The following SGCG variants were observed in gnomAD, a reference collection of about 807,000 sequenced individuals.
SGCG encodes the protein sarcoglycan gamma.
A neutral mutation model predicts 29.3 loss-of-function variants in SGCG; 26 were observed. That is an observed-to-expected ratio of 0.89 (90% CI 0.65 to 1.23). The LOEUF (loss-of-function observed/expected upper bound fraction) is 1.23. Ranked by LOEUF, SGCG falls within the 50% of genes most tolerant of loss-of-function variation. The pLI, the probability that SGCG is intolerant of heterozygous loss-of-function variation, is 0.00. For missense variants in SGCG, 353 were observed against 356.0 expected (o/e 0.99, Z 0.07); for synonymous variants, 145 against 129.7 (o/e 1.12, Z -0.80).
chr13:23,272,927 T>A (rs553164272), intron 4 of SGCG, among the ~76,000 whole-genome samples: 1 of 152,354 alleles, frequency 6.6e-6, no homozygotes, highest in Admixed American at 6.5e-5. Context: ...CCTTTTTTAT[T>A]TCTTCTAATT....
chr13:23,290,594 A>C (rs1881666240), intron 5 of SGCG, among the ~76,000 whole-genome samples: 1 of 152,198 alleles, frequency 6.6e-6, no homozygotes, highest in Non-Finnish European at 1.5e-5. Context: ...GTGGTTACAA[A>C]GTGAATAGGA....
intron 1 of SGCG, among the ~76,000 whole-genome samples, chr13:23,195,493 TTTTG>T (rs557210311): frequency 3.0e-4 from 46 of 152,234 alleles, no homozygotes; most frequent in South Asian, 8.3e-4. Context: ...AAATAAAGGT[TTTTG>T]TTTGTTTGTT....
intron 1 of SGCG, among the ~76,000 whole-genome samples, chr13:23,202,743 A>T (rs1877814754): frequency 1.3e-5 from 2 of 152,172 alleles, no homozygotes; most frequent in Admixed American, 1.3e-4. Flanking sequence ...TTTAGACCAT[A>T]ACTTATTTTT....
At chr13:23,320,395 G>A (rs972578816) in intron 6 of SGCG, among the ~76,000 whole-genome samples, 1 of 152,182 alleles carries the variant, frequency 6.6e-6, no homozygotes, top group African/African-American at 2.4e-5. Context: ...ACTGCCTAAT[G>A]TTTTTATCGG....
chr13:23,290,491 A>G (rs1189480851), intron 5 of SGCG, among the ~76,000 whole-genome samples: 2 of 152,228 alleles, frequency 1.3e-5, no homozygotes, highest in Non-Finnish European at 2.9e-5. Flanking sequence ...GAGAGATGAC[A>G]GAAATTGTCA....
rs145496110 is a variant in SGCG, at chr13:23,289,299, A to G, written c.506-6116A>G. Among the ~76,000 whole-genome samples the G allele has an allele frequency of 1.3e-3, 198 of 152,330 alleles. 1 individual carries two copies. Among genetic ancestry groups the G allele is most frequent in the African/African-American group, 4.7e-3 (195 of 41,584 alleles). On this transcript the variant is annotated intron_variant, in intron 5 of 7. Transcript: ENST00000218867. ...GGCTTAAACTGGAAGGACATGTATT[A>G]TCTCACATAGGAAGGCTGGGGAAAG...
At chr13:23,217,749 A>T (rs1367729911) in intron 2 of SGCG, among the ~76,000 whole-genome samples, 3 of 151,948 alleles carry the variant, frequency 2.0e-5, no homozygotes, top group Non-Finnish European at 2.9e-5. Context: ...TTCAACTGAA[A>T]TGTCAGAAAT....
chr13:23,298,253 G>A (rs1034884345), intron 6 of SGCG, among the ~76,000 whole-genome samples: 1 of 152,042 alleles, frequency 6.6e-6, no homozygotes, highest in African/African-American at 2.4e-5. Flanking sequence ...CTACTCAGAA[G>A]GCTGAGGCAT....
chr13:23,274,223 G>A (rs890669018), intron 4 of SGCG, among the ~76,000 whole-genome samples: 4 of 151,858 alleles, frequency 2.6e-5, no homozygotes, highest in Non-Finnish European at 4.4e-5. Context: ...TCCTTAAGTG[G>A]CTTCTCACTA....
At chr13:23,237,406 C>T (rs904335621) in intron 3 of SGCG, among the ~76,000 whole-genome samples, 31 of 152,210 alleles carry the variant, frequency 2.0e-4, no homozygotes, top group African/African-American at 7.5e-4. Flanking sequence ...CTTTAGCTTA[C>T]AGCCAAAGCC....
chr13:23,180,945 A>G (rs963430387), upstream of SGCG: 2 of 152,232 alleles, frequency 1.3e-5, no homozygotes, highest in African/African-American at 4.8e-5. Context: ...CCCTTTCTCC[A>G]GGGACAGTTG....
upstream of SGCG, among the ~76,000 whole-genome samples, chr13:23,179,778 G>A (rs1414640891): frequency 6.6e-6 from 1 of 152,226 alleles, no homozygotes; most frequent in Non-Finnish European, 1.5e-5. Flanking sequence ...AAGAAATTAT[G>A]GTAGAGTATA....
At chr13:23,161,887 GTAAA>G in the SGCG span, among the ~76,000 whole-genome samples, 1 of 152,204 alleles carries the variant, frequency 6.6e-6, no homozygotes, top group East Asian at 1.9e-4. Flanking sequence ...GATGTTACAC[GTAAA>G]TAATTAACGT....
the SGCG span, among the ~76,000 whole-genome samples, chr13:23,162,303 C>T: frequency 6.6e-6 from 1 of 152,130 alleles, no homozygotes; most frequent in South Asian, 2.1e-4. Flanking sequence ...CAGACTCTCA[C>T]TTGATGTTTA....
chr13:23,197,577 A>G (rs1310246770), intron 1 of SGCG, among the ~76,000 whole-genome samples: 3 of 152,212 alleles, frequency 2.0e-5, no homozygotes, highest in Non-Finnish European at 4.4e-5. Context: ...TGAAGATTAG[A>G]AAGATGGCTT....
At chr13:23,268,349 T>C (rs1880724958) in intron 4 of SGCG, 1 of 152,216 alleles carries the variant, frequency 6.6e-6, no homozygotes, top group African/African-American at 2.4e-5. Flanking sequence ...CCCCCCAGTT[T>C]TGGCCCAGTG....
At chr13:23,180,496 G>T (rs949428017), upstream of SGCG, among the ~76,000 whole-genome samples, 3 of 152,138 alleles carry the variant, frequency 2.0e-5, no homozygotes, top group Non-Finnish European at 4.4e-5. Flanking sequence ...GATTTTTAAA[G>T]AGTCACTGTT....
At chr13:23,191,778 G>A (rs754917284) in intron 1 of SGCG, among the ~76,000 whole-genome samples, 1 of 152,236 alleles carries the variant, frequency 6.6e-6, no homozygotes, top group South Asian at 2.1e-4. Flanking sequence ...ATCATATGAA[G>A]GTAGAATTTT....
chr13:23,250,478 T>G (rs1000057694), intron 3 of SGCG, 152 bp from the exon 4 acceptor site: 2 of 607,240 alleles, frequency 3.3e-6, no homozygotes, highest in Non-Finnish European at 5.9e-6. Context: ...ATTCAGGAAT[T>G]TTTAATTGTC....
Sources: allele counts gnomAD v4.1 joint callset (sites outside exome capture counted in the v4.1 genomes callset), GRCh38; gene constraint gnomAD v4.1.1; transcripts MANE v1.5; gene names NCBI Gene and HGNC (gene_info 2026-07-23, HGNC 2026-07-21).